CDCA7L: variants seen among roughly 807,000 people sequenced by gnomAD.
CDCA7L encodes cell division cycle-associated 7-like protein.
In CDCA7L, 44 loss-of-function variants were observed where a neutral mutation model predicts 57.4. The ratio of observed to expected loss-of-function variants is 0.77; its 90% CI spans 0.60 to 0.98. The LOEUF (loss-of-function observed/expected upper bound fraction) is 0.98. CDCA7L is among the 50% of genes least tolerant of loss of function. The pLI is 0.00. For missense variants in CDCA7L, 644 were observed against 580.6 expected, an observed-to-expected ratio of 1.11 and a Z score of -1.12; for synonymous variants, 236 against 202.8, an observed-to-expected ratio of 1.16 and a Z score of -1.39.
intron 2 of CDCA7L, among the ~76,000 whole-genome samples, chr7:21,914,594 T>G (rs1562626402): frequency 6.6e-6 from 1 of 152,052 alleles, no homozygotes; most frequent in Non-Finnish European, 1.5e-5. Context: ...CAGTGGATAA[T>G]GAGAGTGTCA....
intron 1 of CDCA7L, among the ~76,000 whole-genome samples, chr7:21,921,844 G>A (rs1292337223): frequency 1.3e-5 from 2 of 151,420 alleles, no homozygotes; most frequent in African/African-American, 2.4e-5. Context: ...GTTAAAAATC[G>A]ACAACTTCAT....
chr7:21,908,128 A>G lies in CDCA7L; in HGVS notation c.681+2T>C. Reference sequence around the variant, plus strand: ...CCCAGGACGCCCTCCGTGAAGCCTCACCATGGCTTTGTTCTCCTTGATGTT... The same window carrying G: ...CCCAGGACGCCCTCCGTGAAGCCTCGCCATGGCTTTGTTCTCCTTGATGTT... On this transcript the variant is annotated splice_donor_variant, in intron 4 of 9. Transcript: ENST00000406877. LOFTEE classifies it high-confidence loss of function. 1 of 1,529,188 alleles carries G rather than the reference A, an allele frequency of 6.5e-7. No homozygotes were observed. The highest frequency in any genetic ancestry group is 2.3e-5 in the Admixed American group (1 of 43,520). The allele number at this position is 1,529,188 out of a possible 1,614,324, so 94.7% of individuals were successfully genotyped here.
At chr7:21,945,729 G>A (rs1406706) in intron 1 of CDCA7L, 52 bp downstream of exon 1, 1,580,828 of 1,599,362 alleles carry the variant, frequency 0.99, 782,240 homozygotes, top group Non-Finnish European at 1. Context: ...GGTGGCAAAG[G>A]GAAGTCAAAC....
chr7:21,920,051 T>C (rs539781766), intron 1 of CDCA7L, among the ~76,000 whole-genome samples: 1 of 152,352 alleles, frequency 6.6e-6, no homozygotes, highest in South Asian at 2.1e-4. Context: ...CATTTTCTTT[T>C]TAAATTGAGT....
intron 1 of CDCA7L, among the ~76,000 whole-genome samples, chr7:21,917,756 T>C (rs1156231870): frequency 1.3e-5 from 2 of 152,220 alleles, no homozygotes; most frequent in East Asian, 3.8e-4. Context: ...ACCTAATCCA[T>C]ATATTCCCAC....
At chr7:21,906,043 G>T (rs997837559) in intron 6 of CDCA7L, among the ~76,000 whole-genome samples, 2 of 152,154 alleles carry the variant, frequency 1.3e-5, no homozygotes, top group Admixed American at 6.5e-5. Context: ...CCTAACAAAT[G>T]AGCTGCTTCT....
intron 1 of CDCA7L, among the ~76,000 whole-genome samples, chr7:21,921,376 G>A (rs886591110): frequency 5.6e-5 from 8 of 142,762 alleles, no homozygotes; most frequent in Middle Eastern, 7.5e-3. Flanking sequence ...ATATTCAAGT[G>A]TCCTCAATGC....
At chr7:21,939,341 T>G (rs1376094695) in intron 1 of CDCA7L, among the ~76,000 whole-genome samples, 1 of 152,242 alleles carries the variant, frequency 6.6e-6, no homozygotes, top group Non-Finnish European at 1.5e-5. Flanking sequence ...TTTTATTATG[T>G]ATATCTTACC....
chr7:21,923,073 G>C (rs1785708690), intron 1 of CDCA7L, among the ~76,000 whole-genome samples: 1 of 152,188 alleles, frequency 6.6e-6, no homozygotes, highest in Non-Finnish European at 1.5e-5. Context: ...GATGGAAAGA[G>C]TTTTGGAATT....
At chr7:21,914,807 T>C (rs1473983385) in intron 2 of CDCA7L, among the ~76,000 whole-genome samples, 1 of 152,172 alleles carries the variant, frequency 6.6e-6, no homozygotes, top group Non-Finnish European at 1.5e-5. Flanking sequence ...GTGGATTAAA[T>C]GCAGTATCTG....
intron 1 of CDCA7L, among the ~76,000 whole-genome samples, chr7:21,938,062 T>C (rs1295587348): frequency 1.3e-5 from 2 of 152,088 alleles, no homozygotes; most frequent in African/African-American, 4.8e-5. Context: ...ATAAATAAAC[T>C]AGACCTCAAA....
intron 1 of CDCA7L, among the ~76,000 whole-genome samples, chr7:21,928,103 GCTT>G (rs1785883241): frequency 6.6e-6 from 1 of 152,196 alleles, no homozygotes; most frequent in Non-Finnish European, 1.5e-5. Context: ...CTGGGATGAA[GCTT>G]CCAGAGGAAG....
Position 21,902,122 on chromosome 7 carries a change from CTATA to C in CDCA7L, c.*196_*199del. On this transcript the variant is annotated 3_prime_UTR_variant, in exon 10 of 10. Transcript: ENST00000406877. The stretch of plus-strand genomic sequence containing the variant: ...CATACAGACAGGTCTGTGCATACAT[CTATA>C]TAGATTCCTCTGCTCTGCTGTCTTC... The C allele has an allele frequency of 1.6e-6, 1 of 621,240 alleles. No homozygotes were observed. Among genetic ancestry groups the C allele is most frequent in the East Asian group, 2.8e-5 (1 of 36,212 alleles). The allele number at this position is 621,240 out of a possible 1,614,324, so 38.5% of individuals were successfully genotyped here.
chr7:21,902,980 C>T lies in CDCA7L; in HGVS notation c.1332G>A (p.Glu444=), dbSNP rs1417357974. 1.2e-6 allele frequency: 2 copies of T among 1,613,790 alleles called. No homozygotes were observed. Among genetic ancestry groups the T allele is most frequent in the Admixed American group, 1.7e-5 (1 of 60,010 alleles). Residue 444 remains glutamate, a splice_region_variant and synonymous_variant, in exon 9 of 10, where the codon GAG becomes GAA. Transcript: ENST00000406877. Reference sequence around the variant, plus strand: ...TAAGCTGCTAGAGACTTACTTACCTCTCCAGATATTCCTTAACATTGTCAT... The same window carrying T: ...TAAGCTGCTAGAGACTTACTTACCTTTCCAGATATTCCTTAACATTGTCAT... ...YGYDNVKEYL[E]SLQKELVEDN
At position 21,916,782 on chromosome 7, in the gene CDCA7L, C is replaced by G. The variant is rs746734289; in HGVS notation, c.137G>C (p.Ser46Thr). 1.2e-6 allele frequency: 2 copies of G among 1,614,030 alleles called. No individual in the cohort carries two copies. The highest frequency in any genetic ancestry group is 8.5e-7 in the Non-Finnish European group (1 of 1,179,962). Residue 46 changes from serine to threonine, a missense_variant, in exon 2 of 10, where the codon AGT becomes ACT. Coordinates refer to ENST00000406877, the MANE Select transcript of CDCA7L (RefSeq NM_018719.5). ...ETLSSEESCD[S>T]FDSLESGKQQ... is the part of the protein sequence containing the mutation. ...TTTCCCTGACTCTAGTGAGTCAAAACTATCGCAGCTCTCCTCTGACGAGAG... is the reference window on the plus strand; with the variant it reads ...TTTCCCTGACTCTAGTGAGTCAAAAGTATCGCAGCTCTCCTCTGACGAGAG...
chr7:21,911,791 T>C (rs1202634289), intron 2 of CDCA7L, 37 bp from the exon 3 acceptor site: 2 of 1,594,704 alleles, frequency 1.3e-6, no homozygotes, highest in East Asian at 4.5e-5. Context: ...AGACGGAAAG[T>C]AGAATAGAGG....
chr7:21,914,569 G>T lies in CDCA7L; in HGVS notation c.165+2185C>A, dbSNP rs563638457. 1.3e-3 allele frequency among the ~76,000 whole-genome samples: 200 copies of T among 151,608 alleles called. 1 individual carries two copies. Among genetic ancestry groups the T allele is most frequent in the Non-Finnish European group, 2.2e-3 (151 of 68,032 alleles). The stretch of plus-strand genomic sequence containing the variant: ...AGGCAGGAACAGCATGGACCAGTGG[G>T]CAGAAAGGGCAGAACAGTGGATAAT... On this transcript the variant is annotated intron_variant, in intron 2 of 9. Transcript: ENST00000406877.
At chr7:21,929,999 A>C (rs188101811) in intron 1 of CDCA7L, among the ~76,000 whole-genome samples, 134 of 152,288 alleles carry the variant, frequency 8.8e-4, no homozygotes, top group African/African-American at 2.7e-3. Flanking sequence ...CTCCACCCCA[A>C]ATCAACAGAA....
chr7:21,921,781 A>G lies in CDCA7L; in HGVS notation c.25-4887T>C, dbSNP rs1368713229. On this transcript the variant is annotated intron_variant, in intron 1 of 9. Transcript: ENST00000406877. ...TACTATCTAGTGAACCAAAAAAAAA[A>G]GGGAAAATTCTCATCTGAAAGTGAA... Among the ~76,000 whole-genome samples the G allele has an allele frequency of 3.9e-5, 6 of 152,050 alleles. No individual in the cohort carries two copies. The East Asian group carries it at 7.7e-4, about 20-fold the overall frequency.
Sources: allele counts gnomAD v4.1 joint callset (sites outside exome capture counted in the v4.1 genomes callset), GRCh38; gene constraint gnomAD v4.1.1; transcripts MANE v1.5; gene names NCBI Gene and HGNC (gene_info 2026-07-23, HGNC 2026-07-21).